The following SRBD1 variants were observed in gnomAD, a reference collection of about 807,000 sequenced individuals.
SRBD1 encodes the protein S1 RNA-binding domain-containing protein 1.
Under a neutral mutation model 115.3 loss-of-function variants are expected in SRBD1, and 88 were observed. That is an observed-to-expected ratio of 0.76 (90% CI 0.64 to 0.91). The LOEUF (loss-of-function observed/expected upper bound fraction) is 0.91, where lower values mean the gene tolerates loss of function less well. Ranked by LOEUF, SRBD1 falls within the 40% of genes least tolerant of loss-of-function variation. SRBD1 has a pLI of 0.00. For missense variants in SRBD1, 1,385 were observed against 1,177.4 expected (o/e 1.18, Z -2.58); for synonymous variants, 509 against 407.7 (o/e 1.25, Z -2.99).
chr2:45,557,358 T>A lies in SRBD1; in HGVS notation c.1410-3628A>T, dbSNP rs186877417. Among the ~76,000 whole-genome samples the A allele has an allele frequency of 1.2e-4, 19 of 152,304 alleles. No individual in the cohort carries two copies. In the East Asian group the frequency reaches 3.3e-3, roughly 26 times the overall value. ...TAATGTATGTATCTGATTTGTCTCC[T>A]AAGGTGTTGCCCTTTAAGCCACTGC... is the stretch of plus-strand genomic sequence containing the variant. On this transcript the variant is annotated intron_variant, in intron 10 of 20. Coordinates refer to ENST00000263736, the MANE Select transcript of SRBD1 (RefSeq NM_018079.5).
chr2:45,562,576 A>G (rs1672702093), intron 10 of SRBD1, 77 bp downstream of exon 10: 3 of 1,119,180 alleles, frequency 2.7e-6, no homozygotes, highest in South Asian at 1.8e-5. Flanking sequence ...ACATCTTTAC[A>G]TATCAGTACA....
chr2:45,407,637 T>G (rs572198051), intron 19 of SRBD1, among the ~76,000 whole-genome samples: 19 of 148,950 alleles, frequency 1.3e-4, no homozygotes, highest in Admixed American at 8.2e-4. Flanking sequence ...GAGTAATTAT[T>G]AAAGTAAAGA....
chr2:45,605,399 C>T lies in SRBD1; in HGVS notation c.43G>A (p.Val15Met). The change falls in exon 2 of 21, where the codon GTG (valine) becomes ATG (methionine). Residue 15 changes from valine (V) to methionine (M), a missense_variant. Physicochemically the swap from Val to Met is conservative, Grantham distance 21. Coordinates refer to ENST00000263736, the MANE Select transcript of SRBD1 (RefSeq NM_018079.5). Reference protein sequence around the residue: ...PRRAKVQVQDVVLKDEFSSFS... With the variant: ...PRRAKVQVQDMVLKDEFSSFS... ...GAAGAAAATTCATCTTTCAGTACCA[C>T]ATCCTGGACCTGTACTTTCGCTCTT... 1 of 1,613,790 alleles carries T rather than the reference C, an allele frequency of 6.2e-7. No individual in the cohort carries two copies. The highest frequency in any genetic ancestry group is 8.5e-7 in the Non-Finnish European group (1 of 1,179,972).
rs13413294 is a variant in SRBD1, at chr2:45,466,609, C to T, written c.2049+10384G>A. On this transcript the variant is annotated intron_variant, in intron 16 of 20. Coordinates refer to ENST00000263736, the MANE Select transcript of SRBD1 (RefSeq NM_018079.5). ...TAATCATCAATATTTTAAATGAGTA[C>T]GTTCACTTTAAAGGAAAATTTCTTT... 2.8e-3 allele frequency among the ~76,000 whole-genome samples: 429 copies of T among 152,138 alleles called. 2 individuals are homozygous for T. Among genetic ancestry groups the T allele is most frequent in the Middle Eastern group, 6.8e-3 (2 of 294 alleles).
intron 16 of SRBD1, among the ~76,000 whole-genome samples, chr2:45,431,474 T>A (rs1030706271): frequency 6.6e-6 from 1 of 152,204 alleles, no homozygotes; most frequent in Non-Finnish European, 1.5e-5. Flanking sequence ...TTCATGTCCT[T>A]TGCAGGGATA....
At chr2:45,422,999 C>T (rs6715978) in intron 16 of SRBD1, among the ~76,000 whole-genome samples, 51,609 of 151,946 alleles carry the variant, frequency 0.34, 9,707 homozygotes, top group Non-Finnish European at 0.44. Flanking sequence ...AATGTTGACT[C>T]CAATCAGTAA....
chr2:45,456,885 C>T (rs7579116), intron 16 of SRBD1, among the ~76,000 whole-genome samples: 42 of 151,482 alleles, frequency 2.8e-4, no homozygotes, highest in African/African-American at 9.7e-4. Flanking sequence ...TTTGTAGTAG[C>T]GATTAAATTA....
At chr2:45,417,214 T>G (rs889714630) in intron 18 of SRBD1, among the ~76,000 whole-genome samples, 3 of 152,206 alleles carry the variant, frequency 2.0e-5, no homozygotes, top group Admixed American at 6.5e-5. Flanking sequence ...GCTTTTACAG[T>G]TTTTTACTTT....
At chr2:45,605,316 A>T in intron 2 of SRBD1, 46 bp downstream of exon 2, 1 of 1,567,032 alleles carries the variant, frequency 6.4e-7, no homozygotes, top group Non-Finnish European at 8.7e-7. Context: ...CTCCTTATTA[A>T]AATATTCATC....
chr2:45,543,464 C>T (rs1434069081), intron 14 of SRBD1, among the ~76,000 whole-genome samples: 1 of 152,120 alleles, frequency 6.6e-6, no homozygotes, highest in Non-Finnish European at 1.5e-5. Context: ...AGGAAATGTG[C>T]TGGTAGATAT....
At chr2:45,512,708 C>A (rs72880695) in intron 14 of SRBD1, among the ~76,000 whole-genome samples, 1 of 152,066 alleles carries the variant, frequency 6.6e-6, no homozygotes, top group African/African-American at 2.4e-5. Context: ...GCTAAAGGAA[C>A]TACAAAGTTA....
At chr2:45,391,968 C>A (rs1334745963) in intron 20 of SRBD1, among the ~76,000 whole-genome samples, 2 of 152,140 alleles carry the variant, frequency 1.3e-5, no homozygotes. Flanking sequence ...TGCTAAAAAC[C>A]AGCCCAGAAA....
intron 19 of SRBD1, among the ~76,000 whole-genome samples, chr2:45,409,515 CA>C (rs59849294): frequency 0.54 from 63,324 of 117,748 alleles, 15,574 homozygotes; most frequent in Non-Finnish European, 0.64. Flanking sequence ...TTGCAATAGG[CA>C]AAAAAAAAAA....
chr2:45,456,200 A>AG (rs886644145), intron 16 of SRBD1, among the ~76,000 whole-genome samples: 1 of 151,898 alleles, frequency 6.6e-6, no homozygotes, highest in Non-Finnish European at 1.5e-5. Flanking sequence ...CTGGAAAGTA[A>AG]GGGGAAAAAA....
intron 14 of SRBD1, among the ~76,000 whole-genome samples, chr2:45,489,928 C>A (rs947970971): frequency 3.3e-5 from 5 of 152,114 alleles, no homozygotes; most frequent in African/African-American, 1.2e-4. Flanking sequence ...AACAAAAGAT[C>A]TAGAAGAACT....
At chr2:45,551,761 G>C (rs1305720144) in intron 11 of SRBD1, among the ~76,000 whole-genome samples, 1 of 152,034 alleles carries the variant, frequency 6.6e-6, no homozygotes, top group African/African-American at 2.4e-5. Context: ...GTAGAGGCAA[G>C]AAAAAAACAG....
At chr2:45,469,971 C>T (rs984011617) in intron 16 of SRBD1, among the ~76,000 whole-genome samples, 1 of 152,206 alleles carries the variant, frequency 6.6e-6, no homozygotes, top group Non-Finnish European at 1.5e-5. Flanking sequence ...TCCTCTGTTT[C>T]ACCTTTGTGT....
At chr2:45,396,127 G>C (rs967093729) in intron 19 of SRBD1, among the ~76,000 whole-genome samples, 1 of 148,198 alleles carries the variant, frequency 6.7e-6, no homozygotes, top group Non-Finnish European at 1.5e-5. Context: ...ATATCATACA[G>C]AAAAAAAAAA....
At chr2:45,608,999 G>A (rs1455712469) in intron 1 of SRBD1, among the ~76,000 whole-genome samples, 1 of 151,932 alleles carries the variant, frequency 6.6e-6, no homozygotes, top group African/African-American at 2.4e-5. Flanking sequence ...ATAGAGACGG[G>A]GTTCGTCACG....
Sources: gnomAD v4.1 joint callset for allele counts (sites outside exome capture counted in the v4.1 genomes callset) on GRCh38, gnomAD v4.1.1 for gene constraint, MANE v1.5 for transcripts, NCBI Gene and HGNC (gene_info 2026-07-23, HGNC 2026-07-21) for gene names.